Variants in DCDC2C observed in about 807,000 individuals in gnomAD.
The protein encoded by DCDC2C is doublecortin domain containing 2C, also known as doublecortin domain-containing protein 2C.
Under a neutral mutation model 45.0 loss-of-function variants are expected in DCDC2C, and 44 were observed. That is an observed-to-expected ratio of 0.98 (90% confidence interval 0.77 to 1.26). The LOEUF is 1.26. DCDC2C is among the 50% of genes most tolerant of loss of function. The pLI is 0.00. For missense variants in DCDC2C, 447 were observed against 468.9 expected (o/e 0.95, Z 0.43); for synonymous variants, 187 against 178.8 (o/e 1.05, Z -0.37).
intron 10 of DCDC2C, among the ~76,000 whole-genome samples, chr2:3,808,965 A>G (rs186751222): frequency 7.9e-5 from 12 of 152,244 alleles, no homozygotes; most frequent in African/African-American, 2.4e-4. Context: ...TAAATTTTGC[A>G]TATGAATTTC....
At chr2:3,767,715 T>G (rs148774249) in intron 6 of DCDC2C, 39 bp from the exon 7 acceptor site, 125 of 1,548,088 alleles carry the variant, frequency 8.1e-5, no homozygotes, top group Non-Finnish European at 1.0e-4. Context: ...TGTATCCCAC[T>G]GTTCTTAATG....
In DCDC2C at chr2:3,829,172, C is replaced by T. The variant is rs956933032; in HGVS notation, c.1066-17982C>T. On this transcript the variant is annotated intron_variant, in intron 10 of 10. Transcript: ENST00000399143. ...CTTTTGCAGTGTGTGTGCAACGCAA[C>T]CGCTTCACCGCTTCTTCTCAGTTTC... 4.6e-5 allele frequency among the ~76,000 whole-genome samples: 7 copies of T among 152,292 alleles called. No individual in the cohort carries two copies. In the East Asian group the frequency reaches 1.4e-3, roughly 29 times the overall value.
chr2:3,709,381 C>T (rs1315914747), intron 2 of DCDC2C, among the ~76,000 whole-genome samples: 1 of 152,248 alleles, frequency 6.6e-6, no homozygotes, highest in Non-Finnish European at 1.5e-5. Flanking sequence ...TTCCCCTCCA[C>T]ATCTTACAGA....
intron 10 of DCDC2C, among the ~76,000 whole-genome samples, chr2:3,801,068 T>C (rs1213273483): frequency 6.6e-6 from 1 of 152,216 alleles, no homozygotes; most frequent in Non-Finnish European, 1.5e-5. Flanking sequence ...CCCCCAGGAA[T>C]CCACAACCAC....
intron 1 of DCDC2C, among the ~76,000 whole-genome samples, chr2:3,705,948 G>T (rs1668054668): frequency 6.6e-6 from 1 of 152,158 alleles, no homozygotes. Flanking sequence ...CATCTTCACT[G>T]CTGTAAAATA....
At chr2:3,726,042 G>T in intron 2 of DCDC2C, 1 of 154,780 alleles carries the variant, frequency 6.5e-6, no homozygotes. Flanking sequence ...GAGATGTGGG[G>T]GGTGGGGGTG....
intron 10 of DCDC2C, among the ~76,000 whole-genome samples, chr2:3,791,163 CA>C (rs1246703233): frequency 2.0e-5 from 3 of 152,138 alleles, no homozygotes; most frequent in African/African-American, 7.2e-5. Flanking sequence ...TCCCTCTATA[CA>C]TAGGAGATTC....
At position 3,761,014 on chromosome 2, in the gene DCDC2C, C is replaced by T. The variant is rs1669865547; in HGVS notation, c.726+6380C>T. Among the ~76,000 whole-genome samples, 2 of 152,288 alleles carry T rather than the reference C, an allele frequency of 1.3e-5. No individual in the cohort carries two copies. Among genetic ancestry groups the T allele is most frequent in the South Asian group, 4.2e-4 (2 of 4,816 alleles). ...CATTGGAAAATATGCCATTATGAGT[C>T]TGCCAGTATCCTGTCTGGCACAATT... On this transcript the variant is annotated intron_variant, in intron 6 of 10. Coordinates refer to ENST00000399143, the MANE Select transcript of DCDC2C (RefSeq NM_001287444.2). The surrounding 1 kb of genome is among the most constrained non-coding windows in gnomAD (Gnocchi z 4.3).
At chr2:3,772,007 T>C (rs1369809603) in intron 8 of DCDC2C, among the ~76,000 whole-genome samples, 1 of 152,266 alleles carries the variant, frequency 6.6e-6, no homozygotes, top group African/African-American at 2.4e-5. Flanking sequence ...TTCAACTTTG[T>C]GGGTTAGCCT....
chr2:3,721,914 G>A (rs1165136882), intron 2 of DCDC2C, among the ~76,000 whole-genome samples: 1 of 152,184 alleles, frequency 6.6e-6, no homozygotes, highest in East Asian at 1.9e-4. Flanking sequence ...CCAGCCATAG[G>A]GAACTATAAG....
rs1297496910 is a variant in DCDC2C, at chr2:3,761,624, C to G, written c.727-6130C>G. Among the ~76,000 whole-genome samples, 3 of 152,256 alleles carry G rather than the reference C, an allele frequency of 2.0e-5. No homozygotes were observed. The highest frequency in any genetic ancestry group is 1.5e-5 in the Non-Finnish European group (1 of 68,048). ...AGGTTCAATGTTAGCAAATCTTCCA[C>G]TTTAATAAATGTTCAAAGCAGGCCT... On this transcript the variant is annotated intron_variant, in intron 6 of 10. Transcript: ENST00000399143. This position sits in a 1 kb window ranked among gnomAD's most constrained non-coding sequence, Gnocchi z 4.3.
At chr2:3,772,469 G>C (rs562879745) in intron 8 of DCDC2C, among the ~76,000 whole-genome samples, 17 of 152,256 alleles carry the variant, frequency 1.1e-4, no homozygotes, top group Admixed American at 2.0e-4. Flanking sequence ...GTGTCTAGGA[G>C]CTTCTCCCAG....
intron 2 of DCDC2C, 56 bp from the exon 3 acceptor site, chr2:3,726,947 T>C: frequency 6.8e-7 from 1 of 1,462,126 alleles, no homozygotes; most frequent in Admixed American, 2.0e-5. Flanking sequence ...CTGTTGAGTT[T>C]GATGAGTGTT....
At chr2:3,727,958 G>A (rs984087814) in intron 3 of DCDC2C, among the ~76,000 whole-genome samples, 7 of 152,178 alleles carry the variant, frequency 4.6e-5, no homozygotes, top group Non-Finnish European at 7.3e-5. Flanking sequence ...TTATTGGGAT[G>A]TTCTAGCATT....
At chr2:3,712,077 T>C (rs1404930999) in intron 2 of DCDC2C, among the ~76,000 whole-genome samples, 6 of 152,160 alleles carry the variant, frequency 3.9e-5, no homozygotes, top group Non-Finnish European at 5.9e-5. Context: ...CCTGGACACA[T>C]GTCAATGGTG....
chr2:3,707,523 A>G (rs1301875777), intron 1 of DCDC2C, among the ~76,000 whole-genome samples: 1 of 152,244 alleles, frequency 6.6e-6, no homozygotes, highest in Non-Finnish European at 1.5e-5. Context: ...TACAATTTTC[A>G]AAGATTTGAG....
intron 10 of DCDC2C, among the ~76,000 whole-genome samples, chr2:3,843,289 C>T (rs1051452029): frequency 1.3e-5 from 2 of 151,942 alleles, no homozygotes; most frequent in Non-Finnish European, 1.5e-5. Context: ...ATATGGGTGG[C>T]GAGAATGAAA....
At chr2:3,819,984 G>A (rs1572640746) in intron 10 of DCDC2C, among the ~76,000 whole-genome samples, 1 of 152,158 alleles carries the variant, frequency 6.6e-6, no homozygotes, top group Non-Finnish European at 1.5e-5. Context: ...GGAGGCAAGA[G>A]GTCAGATGGG....
At chr2:3,820,453 G>A (rs1456558519) in intron 10 of DCDC2C, among the ~76,000 whole-genome samples, 7 of 152,102 alleles carry the variant, frequency 4.6e-5, no homozygotes, top group African/African-American at 1.4e-4. Context: ...AGTGAGCAGC[G>A]AAAGCAGGCA....
Sources: allele counts gnomAD v4.1 joint callset (sites outside exome capture counted in the v4.1 genomes callset), GRCh38; gene constraint gnomAD v4.1.1; non-coding constraint Gnocchi (gnomAD v3.1); transcripts MANE v1.5; gene names NCBI Gene and HGNC (gene_info 2026-07-23, HGNC 2026-07-21).